FGD3: variants seen among roughly 807,000 people sequenced by gnomAD.
FGD3 encodes FYVE, RhoGEF and PH domain containing 3, also known as FYVE, RhoGEF and PH domain-containing protein 3.
FGD3 carries 45 observed loss-of-function variants against 71.8 expected under a neutral mutation model. The observed-to-expected ratio is 0.63, with a 90% CI of 0.49 to 0.80. FGD3 has a LOEUF of 0.80. Among genes scored for constraint, FGD3 ranks in the 30% least tolerant of loss-of-function variants. The pLI, the probability that FGD3 is intolerant of heterozygous loss-of-function variation, is 0.00. For synonymous variants in FGD3, 378 were observed against 392.8 expected, an observed-to-expected ratio of 0.96 and a Z score of 0.44; for missense variants, 844 against 951.5, an observed-to-expected ratio of 0.89 and a Z score of 1.49.
intron 14 of FGD3, among the ~76,000 whole-genome samples, chr9:93,027,204 G>A (rs1294910023): frequency 6.6e-6 from 1 of 152,232 alleles, no homozygotes; most frequent in Non-Finnish European, 1.5e-5. Context: ...CAGGACAGGT[G>A]CTGGGGGGAC....
In FGD3 at chr9:92,969,291, G is replaced by T. The variant is rs1178700614; in HGVS notation, c.-217-5947G>T. On this transcript the variant is annotated intron_variant, in intron 1 of 17. Transcript: ENST00000375482. The surrounding 1 kb of genome is among the most constrained non-coding windows in gnomAD (Gnocchi z 4.5). ...GCTGTCGGCGGGGATGCCCCCGCAT[G>T]CCTCTCTGAGTGGCTAAGCCTCCCT... Among the ~76,000 whole-genome samples the T allele has an allele frequency of 6.6e-6, 1 of 152,196 alleles. No individual in the cohort carries two copies. The highest frequency in any genetic ancestry group is 2.4e-5 in the African/African-American group (1 of 41,452).
chr9:93,009,212 G>C (rs1490105335), intron 6 of FGD3, among the ~76,000 whole-genome samples: 1 of 151,490 alleles, frequency 6.6e-6, no homozygotes, highest in African/African-American at 2.4e-5. Context: ...GCAGTGAGCC[G>C]AGATCGCGCC....
chr9:93,035,609 T>C lies in FGD3; in HGVS notation c.*20T>C, dbSNP rs751383568. 2.3e-5 allele frequency: 36 copies of C among 1,568,988 alleles called. 1 individual carries two copies. The South Asian group carries it at 3.9e-4, about 17-fold the overall frequency. ...CCGTGAGCTGAGTCTCCCACTGCCC[T>C]GCACACCACCACATTGGACCTGTGC... On this transcript the variant is annotated 3_prime_UTR_variant, in exon 18 of 18. Transcript: ENST00000375482.
rs1861955560 is a variant in FGD3 at position 93,022,389 on chromosome 9, GGTAAGTGCCCCA to G, written c.1557+1_1557+12del. Reference sequence around the variant, plus strand: ...CCGAAGGCAGTTCGGGTGCAGCAGGGGTAAGTGCCCCATGCTCAGCGGTCAGCAGGGGTGAAA... The same window carrying G: ...CCGAAGGCAGTTCGGGTGCAGCAGGGTGCTCAGCGGTCAGCAGGGGTGAAA... On this transcript the variant is annotated splice_donor_variant and splice_donor_5th_base_variant and intron_variant, in intron 14 of 17. Transcript: ENST00000375482. LOFTEE classifies it high-confidence loss of function. 6.2e-7 allele frequency: 1 copy of G among 1,612,194 alleles called. No homozygotes were observed. Among genetic ancestry groups the G allele is most frequent in the African/African-American group, 1.3e-5 (1 of 74,934 alleles).
chr9:93,015,869 G>T, intron 10 of FGD3, 40 bp downstream of exon 10: 1 of 1,584,032 alleles, frequency 6.3e-7, no homozygotes, highest in Non-Finnish European at 8.7e-7. Flanking sequence ...CCCCCTGGAA[G>T]GGGCACTGAG....
Position 93,006,019 on chromosome 9 carries a change from C to A in FGD3, c.681-5C>A. On this transcript the variant is annotated splice_polypyrimidine_tract_variant and splice_region_variant and intron_variant, in intron 5 of 17. Transcript: ENST00000375482. ...ATTTCTCTGATGATTCATTTCTCCACGAAGGGACACAAACCCACGGCTCGG... is the reference window on the plus strand; with the variant it reads ...ATTTCTCTGATGATTCATTTCTCCAAGAAGGGACACAAACCCACGGCTCGG... 6.3e-7 allele frequency: 1 copy of A among 1,591,984 alleles called. No homozygotes were observed. Among genetic ancestry groups the A allele is most frequent in the Non-Finnish European group, 8.6e-7 (1 of 1,168,504 alleles).
chr9:92,959,030 G>T (rs1298839108), intron 1 of FGD3, among the ~76,000 whole-genome samples: 1 of 152,124 alleles, frequency 6.6e-6, no homozygotes, highest in Non-Finnish European at 1.5e-5. Flanking sequence ...CATGATCTTG[G>T]CTCACTGCAA....
At chr9:93,018,547 C>G (rs1243059374) in intron 11 of FGD3, among the ~76,000 whole-genome samples, 2 of 152,130 alleles carry the variant, frequency 1.3e-5, no homozygotes, top group Non-Finnish European at 2.9e-5. Context: ...GGCAAGGAAG[C>G]AATCATGATG....
intron 3 of FGD3, among the ~76,000 whole-genome samples, chr9:92,998,080 A>C (rs1860717307): frequency 6.6e-6 from 1 of 152,096 alleles, no homozygotes; most frequent in East Asian, 1.9e-4. Flanking sequence ...ACTTGGTTCC[A>C]TTCTCCCCGT....
chr9:92,951,119 T>A (rs1226023452), intron 1 of FGD3, among the ~76,000 whole-genome samples: 1 of 152,186 alleles, frequency 6.6e-6, no homozygotes, highest in Admixed American at 6.5e-5. Flanking sequence ...AGTGTGTTCA[T>A]GAGGGAATTC....
In FGD3 at chr9:93,035,415, G is replaced by T; in HGVS notation, c.2004G>T (p.Ser668=). 1.2e-6 allele frequency: 2 copies of T among 1,611,834 alleles called. No homozygotes were observed. ...SVPDPEERLD[S]GHVWKLQWAK... ...CGGACCCTGAGGAGAGGCTGGACTCGGGGCATGTGTGGAAGCTGCAGTGGG... is the reference window on the plus strand; with the variant it reads ...CGGACCCTGAGGAGAGGCTGGACTCTGGGCATGTGTGGAAGCTGCAGTGGG... Residue 668 remains serine, a synonymous_variant, in exon 18 of 18, where the codon TCG becomes TCT. Coordinates refer to ENST00000375482, the MANE Select transcript of FGD3 (RefSeq NM_001083536.2).
chr9:92,963,707 T>C (rs1381304800), intron 1 of FGD3, among the ~76,000 whole-genome samples: 1 of 152,254 alleles, frequency 6.6e-6, no homozygotes, highest in Non-Finnish European at 1.5e-5. Flanking sequence ...TTATTATTTA[T>C]TGATTCTCTC....
In FGD3 at chr9:93,003,236, C is replaced by T. The variant is rs1860925699; in HGVS notation, c.543+222C>T. 6.6e-6 allele frequency among the ~76,000 whole-genome samples: 1 copy of T among 152,034 alleles called. No individual in the cohort carries two copies. Among genetic ancestry groups the T allele is most frequent in the Admixed American group, 6.5e-5 (1 of 15,272 alleles). On this transcript the variant is annotated intron_variant, in intron 4 of 17. Transcript: ENST00000375482. This position sits in a 1 kb window ranked among gnomAD's most constrained non-coding sequence, Gnocchi z 4.1. Reference sequence around the variant, plus strand: ...CTCCGCCTCTCCAGTTCAAGCAATTCTCCTGTCTCAGCCTCCCGAGTAGCT... The same window carrying T: ...CTCCGCCTCTCCAGTTCAAGCAATTTTCCTGTCTCAGCCTCCCGAGTAGCT...
rs117204211 is a variant in FGD3 at position 92,990,139 on chromosome 9, A to G, written c.454-12786A>G. 7.2e-4 allele frequency among the ~76,000 whole-genome samples: 110 copies of G among 151,986 alleles called. 2 individuals carry two copies. In the East Asian group the frequency reaches 0.014, roughly 19 times the overall value. On this transcript the variant is annotated intron_variant, in intron 3 of 17. Coordinates refer to ENST00000375482, the MANE Select transcript of FGD3 (RefSeq NM_001083536.2). ...TTTTGTGATACAATATAGGTTTTCT[A>G]TATATAAGATCACATCAGCTAGGTT...
At chr9:92,983,247 G>A (rs576983037) in intron 3 of FGD3, among the ~76,000 whole-genome samples, 1 of 152,160 alleles carries the variant, frequency 6.6e-6, no homozygotes, top group South Asian at 2.1e-4. Flanking sequence ...TATTGGTTGG[G>A]CATGGTGGCT....
rs185562120 is a variant in FGD3, at chr9:93,002,982, A to G, written c.511A>G (p.Thr171Ala). The change falls in exon 4 of 18, where the codon ACC (threonine) becomes GCC (alanine). Residue 171 changes from threonine to alanine, a missense_variant. Transcript: ENST00000375482. ...IAQELLHTEE[T>A]YVKRLHLLDQ... ...CCAGGAGCTCCTGCACACCGAGGAG[A>G]CCTATGTGAAGCGGCTGCACCTGCT... 6.8e-5 allele frequency: 109 copies of G among 1,614,028 alleles called. No individual in the cohort carries two copies. In the African/African-American group the frequency reaches 1.4e-3, roughly 21 times the overall value.
intron 14 of FGD3, among the ~76,000 whole-genome samples, chr9:93,024,145 G>T (rs1338075701): frequency 6.6e-6 from 1 of 152,158 alleles, no homozygotes; most frequent in African/African-American, 2.4e-5. Context: ...TAAGTGTGAG[G>T]CTGGCTGTGC....
In FGD3 at chr9:93,011,200, T is replaced by C; in HGVS notation, c.977-14T>C. ...CACCGTGGCCCCAGGCTGAACACAG[T>C]CTTCTTCCTGCAGGGTCCTTGGAGC... On this transcript the variant is annotated splice_polypyrimidine_tract_variant and intron_variant, in intron 7 of 17. Coordinates refer to ENST00000375482, the MANE Select transcript of FGD3 (RefSeq NM_001083536.2). 1 of 1,613,980 alleles carries C rather than the reference T, an allele frequency of 6.2e-7. No homozygotes were observed. The highest frequency in any genetic ancestry group is 1.3e-5 in the African/African-American group (1 of 75,006).
At chr9:93,020,233 G>A (rs374433774) in intron 12 of FGD3, 84 bp from the exon 13 acceptor site, 183 of 1,328,662 alleles carry the variant, frequency 1.4e-4, no homozygotes, top group Non-Finnish European at 1.8e-4. Context: ...GCCCGTCCTC[G>A]GGACAGAGGC....
Sources: gnomAD v4.1 joint callset for allele counts (sites outside exome capture counted in the v4.1 genomes callset) on GRCh38, gnomAD v4.1.1 for gene constraint, Gnocchi (gnomAD v3.1) non-coding constraint, MANE v1.5 for transcripts, NCBI Gene and HGNC (gene_info 2026-07-23, HGNC 2026-07-21) for gene names.